Variants in ZNF680 observed in about 807,000 individuals in gnomAD.
The protein encoded by ZNF680 is zinc finger protein 680, also known as hypothetical protein FLJ90430.
In ZNF680, 6 loss-of-function variants were observed where a neutral mutation model predicts 12.1. The observed-to-expected ratio is 0.49, with a 90% CI of 0.27 to 0.98. The LOEUF is 0.98. ZNF680 is among the 50% of genes least tolerant of loss of function. ZNF680 has a pLI of 0.12. For missense variants in ZNF680, 561 were observed against 616.3 expected (o/e 0.91, Z 0.95); for synonymous variants, 170 against 199.3 (o/e 0.85, Z 1.24).
the ZNF680 span, among the ~76,000 whole-genome samples, chr7:64,509,952 C>G: frequency 6.8e-6 from 1 of 148,130 alleles, no homozygotes; most frequent in African/African-American, 2.5e-5. Context: ...AGATGAGCAA[C>G]AGACCATCTG....
chr7:64,510,708 A>C, the ZNF680 span, among the ~76,000 whole-genome samples: 2 of 136,148 alleles, frequency 1.5e-5, no homozygotes, highest in African/African-American at 5.5e-5. Context: ...CAGGAGATCG[A>C]GACCATCCCG....
chr7:64,506,732 G>GT, the ZNF680 span, among the ~76,000 whole-genome samples: 1 of 152,190 alleles, frequency 6.6e-6, no homozygotes, highest in African/African-American at 2.4e-5. Context: ...TCTGTTTGAA[G>GT]TTTTTTATTG....
chr7:64,512,376 C>T, the ZNF680 span, among the ~76,000 whole-genome samples: 10 of 151,092 alleles, frequency 6.6e-5, no homozygotes, highest in Non-Finnish European at 1.5e-4. Context: ...TCGTTTGAAC[C>T]CGGGAGGCAG....
chr7:64,545,057 G>A (rs113209359), intron 1 of ZNF680, among the ~76,000 whole-genome samples: 3,913 of 151,932 alleles, frequency 0.026, 105 homozygotes, highest in African/African-American at 0.056. Context: ...TCACGAGTTC[G>A]AAATCAGCCT....
the ZNF680 span, among the ~76,000 whole-genome samples, chr7:64,512,244 T>A: frequency 2.2e-4 from 33 of 151,596 alleles, no homozygotes; most frequent in African/African-American, 7.7e-4. Flanking sequence ...GGTCAAGAGA[T>A]CGAGATCATC....
At chr7:64,534,802 A>G (rs959600152) in intron 3 of ZNF680, among the ~76,000 whole-genome samples, 1 of 152,196 alleles carries the variant, frequency 6.6e-6, no homozygotes, top group Non-Finnish European at 1.5e-5. Flanking sequence ...AAACTGTGGT[A>G]TATATATAGG....
At chr7:64,502,042 T>C in the ZNF680 span, among the ~76,000 whole-genome samples, 77 of 146,100 alleles carry the variant, frequency 5.3e-4, no homozygotes, top group Admixed American at 1.1e-3. Context: ...TCTTGCTCTG[T>C]TGCCCAGGCT....
intron 3 of ZNF680, among the ~76,000 whole-genome samples, chr7:64,530,197 T>C (rs1420681295): frequency 2.0e-5 from 3 of 152,024 alleles, no homozygotes; most frequent in African/African-American, 7.2e-5. Flanking sequence ...AAACAGAACC[T>C]CTTTAAAGCA....
chr7:64,512,964 G>A, the ZNF680 span, among the ~76,000 whole-genome samples: 1 of 152,042 alleles, frequency 6.6e-6, no homozygotes, highest in East Asian at 1.9e-4. Flanking sequence ...AATGTAAATA[G>A]GTAATCAAAA....
the ZNF680 span, among the ~76,000 whole-genome samples, chr7:64,500,389 G>C: frequency 0.042 from 6,365 of 152,202 alleles, 408 homozygotes; most frequent in East Asian, 0.33. Flanking sequence ...CAACCTAAGT[G>C]TCCATCAACA....
Position 64,521,440 on chromosome 7 carries a change from T to A in ZNF680, c.1314A>T (p.Glu438Asp). Residue 438 changes from glutamate (E) to aspartate (D), a missense_variant, in exon 4 of 4, where the codon GAA becomes GAT. By Grantham distance (45) the Glu-to-Asp change is conservative (BLOSUM62 2). Transcript: ENST00000309683. ...HTRENTYKCE[E>D]CGKGFTLFST... The stretch of plus-strand genomic sequence containing the variant: ...AAAATAAAGTAAAGCCTTTGCCACA[T>A]TCTTCACATTTGTAGGTATTCTCTC... 6.2e-7 allele frequency: 1 copy of A among 1,613,674 alleles called. No homozygotes were observed. The highest frequency in any genetic ancestry group is 8.5e-7 in the Non-Finnish European group (1 of 1,179,724).
chr7:64,516,026 C>T, downstream of ZNF680, among the ~76,000 whole-genome samples: 1 of 152,136 alleles, frequency 6.6e-6, no homozygotes, highest in East Asian at 1.9e-4. Context: ...TAGTCCCAGG[C>T]CAAGCTAAGT....
In ZNF680 at chr7:64,521,289, G is replaced by A. The variant is rs1462517200; in HGVS notation, c.1465C>T (p.Pro489Ser). 3.7e-6 allele frequency: 6 copies of A among 1,613,386 alleles called. No homozygotes were observed. Among genetic ancestry groups the A allele is most frequent in the East Asian group, 2.2e-5 (1 of 44,850 alleles). The change falls in exon 4 of 4, where the codon CCC becomes TCC. Residue 489 changes from proline (P) to serine (S), a missense_variant. Coordinates refer to ENST00000309683, the MANE Select transcript of ZNF680 (RefSeq NM_178558.5). ...TTGCCACATTCTTCACATTTGTAGG[G>A]TTTCTCTCTAGCATGAATTCTCTTA... ...NHKRIHAREK[P>S]YKCEECGKAF...
At chr7:64,510,876 C>T in the ZNF680 span, among the ~76,000 whole-genome samples, 1 of 79,048 alleles carries the variant, frequency 1.3e-5, no homozygotes, top group African/African-American at 5.2e-5. Context: ...CGCCACTGCA[C>T]TCCAGCCTGG....
intron 1 of ZNF680, among the ~76,000 whole-genome samples, chr7:64,544,944 G>C (rs546925178): frequency 6.6e-6 from 1 of 152,108 alleles, no homozygotes; most frequent in East Asian, 1.9e-4. Flanking sequence ...AGAGTATTTT[G>C]TCAAACATCC....
chr7:64,553,102 G>C (rs1787170916), intron 1 of ZNF680, among the ~76,000 whole-genome samples: 1 of 150,628 alleles, frequency 6.6e-6, no homozygotes, highest in Non-Finnish European at 1.5e-5. Context: ...TCCAGCCTGG[G>C]GGACAAAGTA....
At chr7:64,502,512 A>G in the ZNF680 span, among the ~76,000 whole-genome samples, 1 of 152,218 alleles carries the variant, frequency 6.6e-6, no homozygotes, top group Non-Finnish European at 1.5e-5. Context: ...TTCAACACAA[A>G]TATAACAATG....
Position 64,521,090 on chromosome 7 carries a change from A to C in ZNF680, c.*71T>G, listed in dbSNP as rs988654037. 1.4e-6 allele frequency: 2 copies of C among 1,440,600 alleles called. No individual in the cohort carries two copies. Among genetic ancestry groups the C allele is most frequent in the African/African-American group, 2.9e-5 (2 of 69,898 alleles). 89.2% of individuals were successfully genotyped at this position (1,440,600 alleles called of 1,614,324 possible). ...TACAAGCAAGTGTAACAATCATTGG[A>C]AGGCTTTGTCAAATTCTTCACATTT... On this transcript the variant is annotated 3_prime_UTR_variant, in exon 4 of 4. Coordinates refer to ENST00000309683, the MANE Select transcript of ZNF680 (RefSeq NM_178558.5).
intron 3 of ZNF680, among the ~76,000 whole-genome samples, chr7:64,538,632 T>C (rs568717700): frequency 3.3e-5 from 5 of 152,258 alleles, no homozygotes; most frequent in East Asian, 3.9e-4. Context: ...GATGATGCAA[T>C]GAAAATTTGC....
Sources: allele counts gnomAD v4.1 joint callset (sites outside exome capture counted in the v4.1 genomes callset), GRCh38; gene constraint gnomAD v4.1.1; transcripts MANE v1.5; gene names NCBI Gene and HGNC (gene_info 2026-07-23, HGNC 2026-07-21).